The following LINGO2 variants were observed in gnomAD, a reference collection of about 807,000 sequenced individuals.
LINGO2 encodes leucine rich repeat and Ig domain containing 2, also known as leucine-rich repeat and immunoglobulin-like domain-containing nogo receptor-interacting protein 2.
In LINGO2, 14 loss-of-function variants were observed where a neutral mutation model predicts 30.6. The ratio of observed to expected loss-of-function variants is 0.46; its 90% CI spans 0.30 to 0.72. LINGO2 has a LOEUF of 0.72. Ranked by LOEUF, LINGO2 falls within the 30% of genes least tolerant of loss-of-function variation. The pLI is 0.07. For synonymous variants in LINGO2, 317 were observed against 288.5 expected (o/e 1.10, Z -1.00); for missense variants, 729 against 751.7 (o/e 0.97, Z 0.35).
the LINGO2 span, among the ~76,000 whole-genome samples, chr9:28,819,126 G>A: frequency 6.6e-6 from 1 of 152,098 alleles, no homozygotes; most frequent in Non-Finnish European, 1.5e-5. Context: ...TCAGCAGCCT[G>A]TTCTCAGTCT....
chr9:28,778,108 G>C, the LINGO2 span, among the ~76,000 whole-genome samples: 1 of 152,066 alleles, frequency 6.6e-6, no homozygotes, highest in African/African-American at 2.4e-5. Context: ...TTACTGAATG[G>C]TTGACTATAA....
chr9:29,176,377 G>A, the LINGO2 span, among the ~76,000 whole-genome samples: 1 of 152,168 alleles, frequency 6.6e-6, no homozygotes, highest in South Asian at 2.1e-4. Flanking sequence ...AGTTAGAGAA[G>A]GTGGTGAAAT....
chr9:28,097,167 G>T (rs908324380), intron 4 of LINGO2, among the ~76,000 whole-genome samples: 1 of 152,208 alleles, frequency 6.6e-6, no homozygotes, highest in East Asian at 1.9e-4. Context: ...ATGGCAATCA[G>T]TAAAAAGTCA....
At chr9:28,819,987 G>A in the LINGO2 span, among the ~76,000 whole-genome samples, 3 of 152,062 alleles carry the variant, frequency 2.0e-5, no homozygotes, top group Non-Finnish European at 2.9e-5. Context: ...GTCGTATTCT[G>A]CTTTGAATAA....
the LINGO2 span, among the ~76,000 whole-genome samples, chr9:28,919,832 T>A: frequency 6.6e-6 from 1 of 152,204 alleles, no homozygotes; most frequent in Non-Finnish European, 1.5e-5. Context: ...CACTGCTAAC[T>A]TTAAACATTA....
the LINGO2 span, among the ~76,000 whole-genome samples, chr9:28,934,611 G>C: frequency 1.3e-5 from 2 of 151,994 alleles, no homozygotes; most frequent in African/African-American, 4.8e-5. Context: ...ATTTCTATTT[G>C]GTAGGTCAAT....
chr9:28,684,175 CTTTTTTTTTT>C, the LINGO2 span, among the ~76,000 whole-genome samples: 35 of 45,434 alleles, frequency 7.7e-4, no homozygotes, highest in Admixed American at 2.2e-3. Context: ...AAATGTTTAT[CTTTTTTTTTT>C]TTTTTTTTTT....
chr9:29,093,079 A>T, the LINGO2 span, among the ~76,000 whole-genome samples: 8 of 127,876 alleles, frequency 6.3e-5, 2 homozygotes, highest in Admixed American at 6.6e-4. Flanking sequence ...AGACAGAGAG[A>T]GGGACAGAGA....
the LINGO2 span, among the ~76,000 whole-genome samples, chr9:29,116,473 T>G: frequency 1.0e-3 from 154 of 152,218 alleles, no homozygotes; most frequent in African/African-American, 3.2e-3. Flanking sequence ...AAAAATGGAA[T>G]GTAAATAACA....
At chr9:28,051,502 A>G (rs542055749) in intron 4 of LINGO2, among the ~76,000 whole-genome samples, 34 of 152,222 alleles carry the variant, frequency 2.2e-4, no homozygotes, top group African/African-American at 7.7e-4. Context: ...TTATCCAAAA[A>G]ATTTATGAAG....
chr9:28,545,129 C>G (rs1338435211), intron 1 of LINGO2, among the ~76,000 whole-genome samples: 2 of 152,030 alleles, frequency 1.3e-5, no homozygotes, highest in African/African-American at 4.8e-5. Flanking sequence ...AAAATCACTT[C>G]TAACTTACAC....
intron 5 of LINGO2, among the ~76,000 whole-genome samples, chr9:27,984,405 T>C (rs761173184): frequency 6.6e-6 from 1 of 151,820 alleles, no homozygotes; most frequent in Non-Finnish European, 1.5e-5. Flanking sequence ...AGTGATGAAA[T>C]GGTATCAGCA....
At chr9:28,894,196 G>C in the LINGO2 span, among the ~76,000 whole-genome samples, 1 of 152,034 alleles carries the variant, frequency 6.6e-6, no homozygotes, top group African/African-American at 2.4e-5. Flanking sequence ...ATTGTGAATA[G>C]TGTCACAATA....
At chr9:28,954,553 T>C in the LINGO2 span, among the ~76,000 whole-genome samples, 90 of 152,284 alleles carry the variant, frequency 5.9e-4, no homozygotes, top group South Asian at 8.1e-3. Flanking sequence ...TGTTGCCAGA[T>C]TGAATTGTGC....
At chr9:28,367,510 T>C (rs1163207246) in intron 3 of LINGO2, among the ~76,000 whole-genome samples, 1 of 152,046 alleles carries the variant, frequency 6.6e-6, no homozygotes, top group Admixed American at 6.6e-5. Context: ...CCTTATTTCC[T>C]GGGGGCCATT....
At chr9:28,156,220 T>C (rs958812212) in intron 4 of LINGO2, among the ~76,000 whole-genome samples, 3 of 152,206 alleles carry the variant, frequency 2.0e-5, no homozygotes, top group African/African-American at 7.2e-5. Flanking sequence ...ATAGCAGACA[T>C]GCATGATTAG....
chr9:29,025,629 T>C, the LINGO2 span, among the ~76,000 whole-genome samples: 1 of 152,192 alleles, frequency 6.6e-6, no homozygotes, highest in Non-Finnish European at 1.5e-5. Flanking sequence ...GGTTAGTGAA[T>C]ATATGCTTTA....
At chr9:28,163,213 A>C (rs1828335663) in intron 4 of LINGO2, among the ~76,000 whole-genome samples, 1 of 152,154 alleles carries the variant, frequency 6.6e-6, no homozygotes. Context: ...TTCCAGAAAA[A>C]GGGGTTAGTT....
chr9:28,750,326 C>A, the LINGO2 span, among the ~76,000 whole-genome samples: 3,177 of 152,202 alleles, frequency 0.021, 133 homozygotes, highest in African/African-American at 0.072. Context: ...AATCATGTGG[C>A]GTAAGCCAAG....
Sources: allele counts gnomAD v4.1 joint callset (sites outside exome capture counted in the v4.1 genomes callset), GRCh38; gene constraint gnomAD v4.1.1; transcripts MANE v1.5; gene names NCBI Gene and HGNC (gene_info 2026-07-23, HGNC 2026-07-21).